The following PRICKLE2 variants were observed in gnomAD, a reference collection of about 807,000 sequenced individuals.
The protein encoded by PRICKLE2 is prickle planar cell polarity protein 2.
PRICKLE2 carries 21 observed loss-of-function variants against 81.4 expected under a neutral mutation model. That is an observed-to-expected ratio of 0.26 (90% CI 0.18 to 0.37). The LOEUF (loss-of-function observed/expected upper bound fraction) is 0.37. Ranked by LOEUF, PRICKLE2 falls within the 10% of genes least tolerant of loss-of-function variation. The pLI is 1.00. For synonymous variants in PRICKLE2, 456 were observed against 421.5 expected, an observed-to-expected ratio of 1.08 and a Z score of -1.00; for missense variants, 940 against 1,109.0, an observed-to-expected ratio of 0.85 and a Z score of 2.16.
intron 2 of PRICKLE2, among the ~76,000 whole-genome samples, chr3:64,245,882 G>C (rs543614207): frequency 1.1e-4 from 16 of 152,306 alleles, no homozygotes; most frequent in African/African-American, 3.4e-4. Flanking sequence ...TTTCTGCAAA[G>C]ATGGGGTTCT....
chr3:64,187,528 T>A (rs2078257738), intron 2 of PRICKLE2: 1 of 152,264 alleles, frequency 6.6e-6, no homozygotes, highest in Admixed American at 6.5e-5. Context: ...TGCATCTCCC[T>A]GTACCATGAA....
At chr3:64,137,882 T>A (rs1448363238) in intron 7 of PRICKLE2, among the ~76,000 whole-genome samples, 5 of 152,064 alleles carry the variant, frequency 3.3e-5, no homozygotes, top group Non-Finnish European at 4.4e-5. Context: ...CAGAAGGTGC[T>A]CCTTAGGATG....
chr3:64,185,779 T>G (rs926570731), intron 2 of PRICKLE2, among the ~76,000 whole-genome samples: 6 of 152,234 alleles, frequency 3.9e-5, no homozygotes, highest in African/African-American at 1.4e-4. Flanking sequence ...ATTCCATCAC[T>G]TTATCGAGGT....
At chr3:64,255,247 C>T (rs973423561) in intron 2 of PRICKLE2, among the ~76,000 whole-genome samples, 7 of 152,230 alleles carry the variant, frequency 4.6e-5, no homozygotes, top group African/African-American at 1.7e-4. Context: ...TTGCTGGTCA[C>T]TGAACTTACT....
chr3:64,099,744 G>A lies in PRICKLE2; in HGVS notation c.1842C>T (p.Tyr614=), dbSNP rs781750599. 7 of 1,614,172 alleles carry A rather than the reference G, an allele frequency of 4.3e-6. No individual in the cohort carries two copies. The Middle Eastern group carries it at 4.9e-4, about 114-fold the overall frequency. The change falls in exon 8 of 8, where the codon TAC becomes TAT. Residue 614 remains tyrosine, a synonymous_variant. Transcript: ENST00000638394. This position sits in a 1 kb window ranked among gnomAD's most constrained non-coding sequence, Gnocchi z 4.3. ...SVRSLLSAQQ[Y]QEMEGNLHQL... is the part of the protein sequence containing the mutation. ...GGTGGAGGTTTCCCTCCATCTCCTG[G>A]TACTGCTGGGCAGAGAGCAGGCTGC...
Position 64,259,445 on chromosome 3 carries a change from C to A in PRICKLE2, c.129-60478G>T, listed in dbSNP as rs114287842. The stretch of plus-strand genomic sequence containing the variant: ...ACACCCTTGCTGCCTCTTCCTGGGA[C>A]CGAGGAGCTCGTAGCTAAGTGAGAA... On this transcript the variant is annotated intron_variant, in intron 2 of 8. Coordinates refer to the PRICKLE2 transcript ENST00000295902. Among the ~76,000 whole-genome samples, 1,153 of 152,208 alleles carry A rather than the reference C, an allele frequency of 7.6e-3. 9 individuals are homozygous for A. The highest frequency in any genetic ancestry group is 0.012 in the Non-Finnish European group (800 of 68,004).
At chr3:64,160,427 TCTC>T (rs1451614077) in intron 3 of PRICKLE2, among the ~76,000 whole-genome samples, 2 of 152,154 alleles carry the variant, frequency 1.3e-5, no homozygotes, top group Admixed American at 6.5e-5. Flanking sequence ...GCTGAGAAGT[TCTC>T]CTTCTTCCAA....
chr3:64,212,115 T>C (rs1180258490), intron 1 of PRICKLE2, among the ~76,000 whole-genome samples: 1 of 152,192 alleles, frequency 6.6e-6, no homozygotes, highest in Non-Finnish European at 1.5e-5. Flanking sequence ...TGATGGTGTC[T>C]CCATGGCAAC....
At chr3:64,128,862 C>T in intron 7 of PRICKLE2, among the ~76,000 whole-genome samples, 2 of 136,216 alleles carry the variant, frequency 1.5e-5, no homozygotes, top group African/African-American at 2.8e-5. Context: ...ACCAAAGAAA[C>T]AAACAAACAA....
chr3:64,216,480 C>T (rs1229528360), intron 1 of PRICKLE2, among the ~76,000 whole-genome samples: 2 of 152,230 alleles, frequency 1.3e-5, no homozygotes, highest in Non-Finnish European at 2.9e-5. Context: ...CCTTACATCT[C>T]GCAGATGCTC....
chr3:64,196,353 CA>C (rs2078453439), intron 2 of PRICKLE2, among the ~76,000 whole-genome samples: 1 of 152,092 alleles, frequency 6.6e-6, no homozygotes, highest in Non-Finnish European at 1.5e-5. Context: ...CTGCTTAAAG[CA>C]GAAGTTGTTG....
chr3:64,223,791 A>C (rs1424486311), intron 1 of PRICKLE2, among the ~76,000 whole-genome samples: 3 of 152,196 alleles, frequency 2.0e-5, no homozygotes, highest in Non-Finnish European at 4.4e-5. Context: ...CATCTGTGAA[A>C]GCCATCAGCA....
intron 7 of PRICKLE2, among the ~76,000 whole-genome samples, chr3:64,126,483 A>G (rs113424862): frequency 2.0e-5 from 3 of 152,238 alleles, no homozygotes; most frequent in African/African-American, 7.2e-5. Context: ...CTGGTTTTAA[A>G]TGGTCATCGA....
chr3:64,198,257 A>G (rs1245245918), intron 2 of PRICKLE2, among the ~76,000 whole-genome samples: 1 of 138,028 alleles, frequency 7.2e-6, no homozygotes, highest in Non-Finnish European at 1.5e-5. Flanking sequence ...TAAATAAATA[A>G]AACAAAAAAA....
chr3:64,174,236 A>G (rs1221280741), intron 2 of PRICKLE2, among the ~76,000 whole-genome samples: 2 of 152,252 alleles, frequency 1.3e-5, no homozygotes, highest in East Asian at 3.8e-4. Context: ...TGAATGTTTG[A>G]GTCCTAACCA....
upstream of PRICKLE2, among the ~76,000 whole-genome samples, chr3:64,228,287 G>C (rs978650909): frequency 6.6e-5 from 10 of 152,184 alleles, no homozygotes; most frequent in African/African-American, 2.4e-4. Context: ...AATTAGAGTA[G>C]AATGGGGTGT....
At chr3:64,109,346 G>A (rs1438927529) in intron 7 of PRICKLE2, among the ~76,000 whole-genome samples, 13 of 152,148 alleles carry the variant, frequency 8.5e-5, no homozygotes, top group Admixed American at 8.5e-4. Flanking sequence ...TAATTTTCCT[G>A]GCAGGTTTGA....
At chr3:64,177,125 C>CAT (rs2078038523) in intron 2 of PRICKLE2, among the ~76,000 whole-genome samples, 1 of 70,838 alleles carries the variant, frequency 1.4e-5, no homozygotes, top group Non-Finnish European at 2.3e-5. Context: ...CCATTTTAAC[C>CAT]TTTTTTTTTT....
At chr3:64,221,714 T>A (rs696233) in intron 1 of PRICKLE2, among the ~76,000 whole-genome samples, 96,555 of 151,956 alleles carry the variant, frequency 0.64, 33,270 homozygotes, top group East Asian at 0.9. Context: ...CTTTATCCAA[T>A]TGCCACCCAG....
Sources: gnomAD v4.1 joint callset for allele counts (sites outside exome capture counted in the v4.1 genomes callset) on GRCh38, gnomAD v4.1.1 for gene constraint, Gnocchi (gnomAD v3.1) non-coding constraint, MANE v1.5 for transcripts, NCBI Gene and HGNC (gene_info 2026-07-23, HGNC 2026-07-21) for gene names.